RARS2: variants seen among roughly 807,000 people sequenced by gnomAD.
RARS2 encodes the protein arginyl-tRNA synthetase 2, mitochondrial.
RARS2 carries 67 observed loss-of-function variants against 88.5 expected under a neutral mutation model. The ratio of observed to expected loss-of-function variants is 0.76; its 90% confidence interval spans 0.62 to 0.93. The LOEUF (loss-of-function observed/expected upper bound fraction) is 0.93. RARS2 is among the 40% of genes least tolerant of loss of function. The probability of loss-of-function intolerance (pLI) is 0.00; values close to 1 mark genes in which losing one functional copy is unlikely to be tolerated. For missense variants in RARS2, 664 were observed against 684.2 expected, an observed-to-expected ratio of 0.97 and a Z score of 0.33; for synonymous variants, 239 against 230.3, an observed-to-expected ratio of 1.04 and a Z score of -0.34.
At position 87,545,715 on chromosome 6, in the gene RARS2, GTA is replaced by G. The variant is rs772255685; in HGVS notation, c.452-18_452-17del. ...ATAAAATTTCCTAGTAATCAATAAA[GTA>G]TATAGTTTCTCATTCTTGTTATCCA... On this transcript the variant is annotated splice_polypyrimidine_tract_variant and intron_variant, in intron 6 of 19. Transcript: ENST00000369536. The G allele has an allele frequency of 1.5e-4, 237 of 1,610,450 alleles. No individual in the cohort carries two copies. The African/African-American group carries it at 2.6e-3, about 18-fold the overall frequency.
intron 1 of RARS2, among the ~76,000 whole-genome samples, chr6:87,587,901 G>T (rs1582931202): frequency 2.6e-5 from 4 of 152,224 alleles, no homozygotes; most frequent in Admixed American, 2.0e-4. Flanking sequence ...TTCCCAAGCA[G>T]CTGGGACCAC....
At position 87,514,344 on chromosome 6, in the gene RARS2, G is replaced by C; in HGVS notation, c.*69C>G. The C allele has an allele frequency of 3.0e-6, 3 of 999,344 alleles. No individual in the cohort carries two copies. Among genetic ancestry groups the C allele is most frequent in the Non-Finnish European group, 4.7e-6 (3 of 636,510 alleles). The allele number at this position is 999,344 out of a possible 1,614,324, so 61.9% of individuals were successfully genotyped here. A position where few individuals can be genotyped will look rare whatever the true frequency, so the allele number is the denominator to read the frequency against. On this transcript the variant is annotated 3_prime_UTR_variant, in exon 20 of 20. Coordinates refer to ENST00000369536, the MANE Select transcript of RARS2 (RefSeq NM_020320.5). The stretch of plus-strand genomic sequence containing the variant: ...AAAAAAAAAAATTTAAATTTATTCT[G>C]AACAGCAAGGCATCTCAGAATAGAT...
chr6:87,518,635 G>T lies in RARS2; in HGVS notation c.1410C>A (p.Leu470=), dbSNP rs139564081. Residue 470 remains leucine, a synonymous_variant, in exon 16 of 20, where the codon CTC becomes CTA. Coordinates refer to ENST00000369536, the MANE Select transcript of RARS2 (RefSeq NM_020320.5). Reference sequence around the variant, plus strand: ...TCCCTGCAGCCTCTTCTCACCTGTGGAGGCGGGCGTGTGTGTACTGTAGGA... The same window carrying T: ...TCCCTGCAGCCTCTTCTCACCTGTGTAGGCGGGCGTGTGTGTACTGTAGGA... ...GVFLQYTHAR[L]HSLEETFGCG... is the part of the protein sequence containing the mutation. 3.4e-3 allele frequency: 5,506 copies of T among 1,611,638 alleles called. 16 individuals carry two copies. The highest frequency in any genetic ancestry group is 4.4e-3 in the Non-Finnish European group (5,161 of 1,177,956).
intron 1 of RARS2, among the ~76,000 whole-genome samples, chr6:87,581,780 G>GT (rs1282449004): frequency 6.6e-6 from 1 of 152,034 alleles, no homozygotes; most frequent in Admixed American, 6.6e-5. Context: ...AAACGCTGGT[G>GT]TGTGTTCTTC....
At chr6:87,562,600 G>C (rs1460487872) in intron 4 of RARS2, 102 bp downstream of exon 4, 8 of 835,602 alleles carry the variant, frequency 9.6e-6, no homozygotes, top group South Asian at 4.2e-5. Flanking sequence ...CAAAGGTTTT[G>C]AGGCCAGAGG....
chr6:87,517,602 G>A (rs1037295487), intron 17 of RARS2, among the ~76,000 whole-genome samples: 3 of 152,254 alleles, frequency 2.0e-5, no homozygotes, highest in Non-Finnish European at 2.9e-5. Context: ...CTACTATATG[G>A]CAATCAAAGA....
At chr6:87,584,165 G>T (rs1582901379) in intron 1 of RARS2, among the ~76,000 whole-genome samples, 2 of 152,340 alleles carry the variant, frequency 1.3e-5, no homozygotes, top group South Asian at 4.1e-4. Context: ...ACAGTACACA[G>T]CTTATATAGA....
At chr6:87,570,704 A>T in intron 1 of RARS2, among the ~76,000 whole-genome samples, 1 of 152,086 alleles carries the variant, frequency 6.6e-6, no homozygotes, top group Non-Finnish European at 1.5e-5. Flanking sequence ...ATAGGCGTAA[A>T]CCACCATGCC....
chr6:87,567,349 C>T (rs1205689374), intron 2 of RARS2, among the ~76,000 whole-genome samples: 1 of 152,218 alleles, frequency 6.6e-6, no homozygotes, highest in East Asian at 1.9e-4. Context: ...ATTCTTTATA[C>T]TTAAAAAAGT....
At chr6:87,519,380 T>C (rs1773065044) in intron 14 of RARS2, 2 of 551,500 alleles carry the variant, frequency 3.6e-6, no homozygotes, top group Admixed American at 2.9e-5. Flanking sequence ...ACCAAGGTTA[T>C]AGTAATTCAG....
At chr6:87,550,312 G>C (rs1235549951) in intron 5 of RARS2, among the ~76,000 whole-genome samples, 1 of 152,198 alleles carries the variant, frequency 6.6e-6, no homozygotes, top group Non-Finnish European at 1.5e-5. Flanking sequence ...TCTGAGAGAA[G>C]AGCAAACAAG....
rs1788236424 is a variant in RARS2 at position 87,562,799 on chromosome 6, A to G, written c.214-14T>C. Reference sequence around the variant, plus strand: ...ATCACATCTTAGCTGAAAAGAACAAATCACACAAAGTAGGTATGTTATATA... The same window carrying G: ...ATCACATCTTAGCTGAAAAGAACAAGTCACACAAAGTAGGTATGTTATATA... On this transcript the variant is annotated splice_polypyrimidine_tract_variant and intron_variant, in intron 3 of 19. Coordinates refer to ENST00000369536, the MANE Select transcript of RARS2 (RefSeq NM_020320.5). 6.9e-6 allele frequency: 11 copies of G among 1,598,134 alleles called. No individual in the cohort carries two copies. The highest frequency in any genetic ancestry group is 9.4e-6 in the Non-Finnish European group (11 of 1,165,504).
chr6:87,560,443 T>C (rs916812954), intron 4 of RARS2, among the ~76,000 whole-genome samples: 2 of 152,228 alleles, frequency 1.3e-5, no homozygotes, highest in East Asian at 1.9e-4. Flanking sequence ...CAGTTTCTCT[T>C]GAAAGTACTG....
At chr6:87,545,834 A>C (rs1782466614) in intron 6 of RARS2, 135 bp from the exon 7 acceptor site, 1 of 1,041,322 alleles carries the variant, frequency 9.6e-7, no homozygotes, top group African/African-American at 1.6e-5. Context: ...TTTTTTACTA[A>C]AACATTCATC....
chr6:87,563,292 G>GAT (rs1166348637), intron 3 of RARS2, among the ~76,000 whole-genome samples: 1 of 152,190 alleles, frequency 6.6e-6, no homozygotes, highest in Non-Finnish European at 1.5e-5. Context: ...AACTTGAAGA[G>GAT]ATATCTGCTG....
chr6:87,579,880 G>A (rs1315087518), intron 1 of RARS2, among the ~76,000 whole-genome samples: 3 of 151,560 alleles, frequency 2.0e-5, no homozygotes, highest in Non-Finnish European at 2.9e-5. Flanking sequence ...CCTCAGCCTG[G>A]GATTACAGGC....
intron 2 of RARS2, among the ~76,000 whole-genome samples, chr6:87,565,394 T>A (rs550353996): frequency 3.3e-5 from 5 of 151,786 alleles, no homozygotes; most frequent in Non-Finnish European, 7.4e-5. Context: ...GAAAAAAAAA[T>A]ACAAAAACAA....
At position 87,514,430 on chromosome 6, in the gene RARS2, GT is replaced by G; in HGVS notation, c.1719del (p.Pro574LeufsTer9). On this transcript the variant is annotated frameshift_variant, in exon 20 of 20. Coordinates refer to ENST00000369536, the MANE Select transcript of RARS2 (RefSeq NM_020320.5). LOFTEE classifies it high-confidence loss of function. ...LANGMKLLGI[T>X]PVCRM ...AATGGAAATTACATCCTACATACAG[GT>G]GTTATTCCAAGAAGTTTCATTCCAT... 1 of 1,607,302 alleles carries G rather than the reference GT, an allele frequency of 6.2e-7. No individual in the cohort carries two copies. The highest frequency in any genetic ancestry group is 8.5e-7 in the Non-Finnish European group (1 of 1,173,970).
intron 8 of RARS2, among the ~76,000 whole-genome samples, chr6:87,531,256 G>A (rs1777446011): frequency 6.6e-6 from 1 of 152,094 alleles, no homozygotes; most frequent in South Asian, 2.1e-4. Context: ...TTCCGAGAGA[G>A]GTCAGGGAAA....
Sources: gnomAD v4.1 joint callset for allele counts (sites outside exome capture counted in the v4.1 genomes callset) on GRCh38, gnomAD v4.1.1 for gene constraint, MANE v1.5 for transcripts, NCBI Gene and HGNC (gene_info 2026-07-23, HGNC 2026-07-21) for gene names.